Variants in ARHGAP20 observed in about 807,000 individuals in gnomAD.
ARHGAP20 encodes Rho GTPase activating protein 20, also known as rho GTPase-activating protein 20.
ARHGAP20 carries 34 observed loss-of-function variants against 73.7 expected under a neutral mutation model. The ratio of observed to expected loss-of-function variants is 0.46; its 90% confidence interval spans 0.35 to 0.61. ARHGAP20 has a LOEUF of 0.61. ARHGAP20 is among the 20% of genes least tolerant of loss of function. ARHGAP20 has a pLI of 0.00. For synonymous variants in ARHGAP20, 523 were observed against 518.2 expected, an observed-to-expected ratio of 1.01 and a Z score of -0.13; for missense variants, 1,314 against 1,420.9, an observed-to-expected ratio of 0.92 and a Z score of 1.21.
intron 2 of ARHGAP20, among the ~76,000 whole-genome samples, chr11:110,675,931 C>T (rs547796103): frequency 6.6e-6 from 1 of 152,332 alleles, no homozygotes; most frequent in African/African-American, 2.4e-5. Flanking sequence ...AGGTTATGAG[C>T]TCCTTGAAGG....
chr11:110,660,278 T>C (rs1185074011), intron 2 of ARHGAP20, among the ~76,000 whole-genome samples: 1 of 152,116 alleles, frequency 6.6e-6, no homozygotes, highest in Non-Finnish European at 1.5e-5. Flanking sequence ...TGAGGATCAC[T>C]ACCCTAGGAA....
At chr11:110,614,174 C>T (rs952158110) in intron 6 of ARHGAP20, among the ~76,000 whole-genome samples, 5 of 150,744 alleles carry the variant, frequency 3.3e-5, no homozygotes, top group African/African-American at 1.0e-4. Context: ...AAAAAAATTG[C>T]TTAATAATAA....
chr11:110,604,370 C>G (rs1948175371), intron 9 of ARHGAP20, among the ~76,000 whole-genome samples: 1 of 152,136 alleles, frequency 6.6e-6, no homozygotes, highest in South Asian at 2.1e-4. Context: ...CTGGAATCAT[C>G]TAGCCTCACT....
chr11:110,586,748 C>A lies in ARHGAP20; in HGVS notation c.1306-423G>T, dbSNP rs116552151. ...GTCATTCATTGAATCATTCTACATG[C>A]ATTTATTCATATGTGCCAAGCACTA... On this transcript the variant is annotated intron_variant, in intron 11 of 14. Transcript: ENST00000683387. 4.5e-3 allele frequency among the ~76,000 whole-genome samples: 682 copies of A among 152,264 alleles called. 6 individuals carry two copies. The highest frequency in any genetic ancestry group is 0.015 in the African/African-American group (639 of 41,564).
chr11:110,611,231 G>T, intron 7 of ARHGAP20, 78 bp downstream of exon 7: 3 of 941,882 alleles, frequency 3.2e-6, no homozygotes, highest in South Asian at 1.7e-5. Flanking sequence ...GCTGTCTTAT[G>T]ATGGAAGGAA....
At chr11:110,602,657 G>C (rs1948137916) in intron 9 of ARHGAP20, among the ~76,000 whole-genome samples, 1 of 152,146 alleles carries the variant, frequency 6.6e-6, no homozygotes, top group Non-Finnish European at 1.5e-5. Context: ...AGAGAAACTA[G>C]ATTTAAAATT....
intron 2 of ARHGAP20, among the ~76,000 whole-genome samples, chr11:110,634,678 A>G (rs895522591): frequency 6.6e-6 from 1 of 152,090 alleles, no homozygotes; most frequent in Non-Finnish European, 1.5e-5. Flanking sequence ...AGTTAGTTGG[A>G]CTAGGACTAG....
At chr11:110,637,475 G>A (rs1465942019) in intron 2 of ARHGAP20, among the ~76,000 whole-genome samples, 1 of 152,014 alleles carries the variant, frequency 6.6e-6, no homozygotes, top group Non-Finnish European at 1.5e-5. Flanking sequence ...CTGGATCTCT[G>A]CTTGGCATCT....
In ARHGAP20 at chr11:110,579,425, G is replaced by A; in HGVS notation, c.3521C>T (p.Ser1174Leu). The stretch of plus-strand genomic sequence containing the variant: ...AATGTCGCAGACCACTGTAGGCCCT[G>A]AGTCTGGGCTGGTCGCATCCTCTAG... ...WTLEDATSPD[S>L]GPTVVCDIED... Residue 1174 changes from serine (S) to leucine (L), a missense_variant, in exon 15 of 15, where the codon TCA becomes TTA. By Grantham distance (145) the Ser-to-Leu change is moderately radical (BLOSUM62 -2). Around this residue, in one of 3 missense-constraint regions of ARHGAP20, gnomAD observed 641 missense variants for 636.9 expected, o/e 1.01. Coordinates refer to ENST00000683387, the MANE Select transcript of ARHGAP20 (RefSeq NM_001384657.1). The A allele has an allele frequency of 6.2e-7, 1 of 1,613,164 alleles. No individual in the cohort carries two copies. Among genetic ancestry groups the A allele is most frequent in the Non-Finnish European group, 8.5e-7 (1 of 1,179,200 alleles).
intron 4 of ARHGAP20, among the ~76,000 whole-genome samples, chr11:110,616,338 TG>T (rs1948481407): frequency 6.6e-6 from 1 of 152,198 alleles, no homozygotes; most frequent in Non-Finnish European, 1.5e-5. Context: ...TATTCCTATG[TG>T]GTCTTGTCAC....
intron 2 of ARHGAP20, among the ~76,000 whole-genome samples, chr11:110,670,858 G>A (rs66834050): frequency 0.052 from 7,895 of 151,838 alleles, 252 homozygotes; most frequent in Middle Eastern, 0.095. Context: ...TTAACTGACC[G>A]GTCTTACCCC....
Position 110,712,150 on chromosome 11 carries a change from C to G in ARHGAP20, c.82G>C (p.Ala28Pro), listed in dbSNP as rs937608270. The change falls in exon 1 of 15, where the codon GCG becomes CCG. Residue 28 changes from alanine to proline, a missense_variant. By Grantham distance (27) the Ala-to-Pro change is conservative. Around this residue, in one of 3 missense-constraint regions of ARHGAP20, gnomAD observed 443 missense variants for 466.4 expected, o/e 0.95. Coordinates refer to ENST00000683387, the MANE Select transcript of ARHGAP20 (RefSeq NM_001384657.1). Reference protein sequence around the residue: ...SSSLTGVSRLAGGSCTKKKMK... With the variant: ...SSSLTGVSRLPGGSCTKKKMK... ...ACCTTCTTGGTGCAGCTGCCTCCCG[C>G]GAGCCGAGACACTCCTGTCAGGGAA... is the stretch of plus-strand genomic sequence containing the variant. 7.4e-7 allele frequency: 1 copy of G among 1,358,848 alleles called. No individual in the cohort carries two copies. Among genetic ancestry groups the G allele is most frequent in the South Asian group, 2.3e-5 (1 of 43,514 alleles). 84.2% of individuals were successfully genotyped at this position (1,358,848 alleles called of 1,614,324 possible). A position where few individuals can be genotyped will look rare whatever the true frequency, so the allele number is the denominator to read the frequency against.
Position 110,578,205 on chromosome 11 carries a change from T to G in ARHGAP20, c.*1165A>C. 1 of 985,380 alleles carries G rather than the reference T, an allele frequency of 1.0e-6. No individual in the cohort carries two copies. Among genetic ancestry groups the G allele is most frequent in the Non-Finnish European group, 1.2e-6 (1 of 829,914 alleles). 61.0% of individuals were successfully genotyped at this position (985,380 alleles called of 1,614,324 possible). A position where few individuals can be genotyped will look rare whatever the true frequency, so the allele number is the denominator to read the frequency against. ...CAATGGGGTATAAGCCATGAAACAT[T>G]TGGGGCAAAAATATGGAACAACGTC... On this transcript the variant is annotated 3_prime_UTR_variant, in exon 15 of 15. Transcript: ENST00000683387.
At chr11:110,615,874 A>G (rs935395500) in intron 4 of ARHGAP20, among the ~76,000 whole-genome samples, 1 of 152,216 alleles carries the variant, frequency 6.6e-6, no homozygotes, top group African/African-American at 2.4e-5. Context: ...AAGTGGTATT[A>G]TATCAGTGTG....
Position 110,625,457 on chromosome 11 carries a change from C to T in ARHGAP20, c.354-1146G>A, listed in dbSNP as rs190774692. 4.0e-3 allele frequency among the ~76,000 whole-genome samples: 609 copies of T among 152,136 alleles called. 17 individuals are homozygous for T. Among genetic ancestry groups the T allele is most frequent in the East Asian group, 2.3e-3 (12 of 5,182 alleles). On this transcript the variant is annotated intron_variant, in intron 3 of 14. Coordinates refer to ENST00000683387, the MANE Select transcript of ARHGAP20 (RefSeq NM_001384657.1). ...TGAAGTGGCTACAAGATTTTCTAGC[C>T]TTTAGAAGCATAGGTTATTTTAAAT...
chr11:110,640,262 A>G (rs1286759335), intron 2 of ARHGAP20, among the ~76,000 whole-genome samples: 1 of 151,920 alleles, frequency 6.6e-6, no homozygotes, highest in Non-Finnish European at 1.5e-5. Flanking sequence ...TCTCAAATTA[A>G]TCTTCCGGAT....
chr11:110,706,784 C>T (rs1208629218), intron 1 of ARHGAP20, among the ~76,000 whole-genome samples: 2 of 152,086 alleles, frequency 1.3e-5, no homozygotes, highest in East Asian at 3.9e-4. Flanking sequence ...AGAGGCCATT[C>T]CTGATTAATC....
At chr11:110,589,690 T>C in intron 11 of ARHGAP20, 3 of 985,440 alleles carry the variant, frequency 3.0e-6, no homozygotes, top group Non-Finnish European at 3.6e-6. Flanking sequence ...GAAAACATTT[T>C]AGAACTCTCT....
chr11:110,679,176 C>T (rs898358212), intron 2 of ARHGAP20, among the ~76,000 whole-genome samples: 1 of 152,132 alleles, frequency 6.6e-6, no homozygotes, highest in African/African-American at 2.4e-5. Flanking sequence ...TGGGTTCCTC[C>T]ATAGGGCTGC....
Sources: gnomAD v4.1 joint callset for allele counts (sites outside exome capture counted in the v4.1 genomes callset) on GRCh38, gnomAD v4.1.1 for gene constraint, gnomAD v4.1.1 regional missense constraint, MANE v1.5 for transcripts, NCBI Gene and HGNC (gene_info 2026-07-23, HGNC 2026-07-21) for gene names.